The following ACAT1 variants were observed in gnomAD, a reference collection of about 807,000 sequenced individuals.
ACAT1 encodes acetyl-CoA acetyltransferase 1.
ACAT1 carries 28 observed loss-of-function variants against 47.3 expected under a neutral mutation model. The observed-to-expected ratio is 0.59, with a 90% CI of 0.44 to 0.81. ACAT1 has a LOEUF of 0.81. Ranked by LOEUF, ACAT1 falls within the 30% of genes least tolerant of loss-of-function variation. ACAT1 has a pLI of 0.00. For missense variants in ACAT1, 469 were observed against 524.3 expected, an observed-to-expected ratio of 0.89 and a Z score of 1.03; for synonymous variants, 181 against 173.6, an observed-to-expected ratio of 1.04 and a Z score of -0.34.
At chr11:108,135,660 T>A (rs963370048) in intron 5 of ACAT1, among the ~76,000 whole-genome samples, 7 of 152,110 alleles carry the variant, frequency 4.6e-5, no homozygotes, top group African/African-American at 1.7e-4. Flanking sequence ...AAACCCCGTC[T>A]CTACTAAAAA....
At position 108,136,277 on chromosome 11, in the gene ACAT1, CA is replaced by C. The variant is rs1249861324; in HGVS notation, c.435+1036del. 2.7e-5 allele frequency: 11 copies of C among 408,738 alleles called. No homozygotes were observed. The East Asian group carries it at 3.6e-4, about 13-fold the overall frequency. 25.3% of individuals were successfully genotyped at this position (408,738 alleles called of 1,614,324 possible). A position where few individuals can be genotyped will look rare whatever the true frequency, so the allele number is the denominator to read the frequency against. On this transcript the variant is annotated intron_variant, in intron 5 of 11. Transcript: ENST00000265838. The stretch of plus-strand genomic sequence containing the variant: ...ATTGGAAATAGAGTGGTGAACAAAA[CA>C]TTTAAAAAAATCTGTACATGTGCAG...
intron 1 of ACAT1, among the ~76,000 whole-genome samples, chr11:108,131,156 G>A (rs1190326562): frequency 1.3e-5 from 2 of 151,884 alleles, no homozygotes; most frequent in Non-Finnish European, 2.9e-5. Context: ...TGCTATTATA[G>A]GTCATATTTA....
chr11:108,126,958 ATTTT>A (rs1202021943), intron 1 of ACAT1, among the ~76,000 whole-genome samples: 2 of 151,104 alleles, frequency 1.3e-5, no homozygotes, highest in Admixed American at 1.3e-4. Context: ...ATGCCCTGTT[ATTTT>A]TTTATTTTAT....
At chr11:108,129,865 G>A (rs1012935045) in intron 1 of ACAT1, among the ~76,000 whole-genome samples, 15 of 152,208 alleles carry the variant, frequency 9.9e-5, no homozygotes, top group African/African-American at 3.1e-4. Context: ...GCCTGTAGTC[G>A]CAGATACTTG....
chr11:108,118,587 G>A (rs1439470530), upstream of ACAT1, among the ~76,000 whole-genome samples: 1 of 152,116 alleles, frequency 6.6e-6, no homozygotes, highest in Non-Finnish European at 1.5e-5. Context: ...TGTTAGGATG[G>A]TCTCGATCTC....
At chr11:108,135,084 A>C in intron 4 of ACAT1, 58 bp from the exon 5 acceptor site, 3 of 1,166,686 alleles carry the variant, frequency 2.6e-6, no homozygotes, top group Non-Finnish European at 3.9e-6. Context: ...ATGCTCTATT[A>C]AGTTCTGCAG....
intron 2 of ACAT1, among the ~76,000 whole-genome samples, chr11:108,132,328 CA>C (rs891138744): frequency 6.6e-6 from 1 of 152,156 alleles, no homozygotes; most frequent in Non-Finnish European, 1.5e-5. Flanking sequence ...GCCATTACAG[CA>C]TCTCCTAGGA....
At chr11:108,118,079 T>G (rs1387189218), upstream of ACAT1, among the ~76,000 whole-genome samples, 1 of 152,186 alleles carries the variant, frequency 6.6e-6, no homozygotes, top group African/African-American at 2.4e-5. Context: ...ATGACAGGAA[T>G]GATAATCCAA....
At chr11:108,137,102 TATA>T (rs1427691674) in intron 5 of ACAT1, among the ~76,000 whole-genome samples, 1 of 152,202 alleles carries the variant, frequency 6.6e-6, no homozygotes, top group Non-Finnish European at 1.5e-5. Flanking sequence ...CATGTAAACA[TATA>T]ATAATATTAA....
chr11:108,128,614 C>G (rs2077295290), intron 1 of ACAT1: 1 of 152,106 alleles, frequency 6.6e-6, no homozygotes, highest in African/African-American at 2.4e-5. Flanking sequence ...GGTCAAGAGA[C>G]ATTTATTTGT....
At chr11:108,131,224 A>T (rs2077350444) in intron 1 of ACAT1, among the ~76,000 whole-genome samples, 1 of 152,196 alleles carries the variant, frequency 6.6e-6, no homozygotes, top group Admixed American at 6.5e-5. Context: ...ATAGGGAGAA[A>T]CAGCAAGTTT....
chr11:108,121,550 T>C (rs1460356936), upstream of ACAT1: 30 of 1,523,740 alleles, frequency 2.0e-5, no homozygotes, highest in East Asian at 4.9e-5. Context: ...GGGTGCGGGG[T>C]TGGGGAGGAG....
In ACAT1 at chr11:108,132,873, A is replaced by AG. The variant is rs1224880364; in HGVS notation, c.120+919_120+920insG. On this transcript the variant is annotated intron_variant, in intron 2 of 11. Transcript: ENST00000265838. ...CATCTCAAAAAAAAAAAAAAAAAAA[A>AG]AAAAAAAAGAAAAAAGAAATTATGG... Among the ~76,000 whole-genome samples the AG allele has an allele frequency of 9.1e-3, 1,250 of 137,548 alleles. 42 individuals carry two copies. Among genetic ancestry groups the AG allele is most frequent in the African/African-American group, 0.029 (1,025 of 35,594 alleles). 90.2% of individuals were successfully genotyped at this position (137,548 alleles called of 152,430 possible).
At chr11:108,139,169 T>C in intron 6 of ACAT1, 128 bp downstream of exon 6, 2 of 1,287,146 alleles carry the variant, frequency 1.6e-6, no homozygotes, top group Admixed American at 1.9e-5. Context: ...CCGTGTACTT[T>C]TGGAGAATAT....
chr11:108,120,802 T>A (rs897591793), upstream of ACAT1, among the ~76,000 whole-genome samples: 27 of 152,094 alleles, frequency 1.8e-4, no homozygotes, highest in Non-Finnish European at 3.7e-4. Flanking sequence ...CTCACGCCTG[T>A]AATCCCAGCA....
chr11:108,138,276 T>G (rs2077506518), intron 5 of ACAT1, among the ~76,000 whole-genome samples: 2 of 150,872 alleles, frequency 1.3e-5, no homozygotes, highest in Non-Finnish European at 3.0e-5. Flanking sequence ...TGAGCCACCG[T>G]GCCCAGCCAG....
In ACAT1 at chr11:108,124,226, G is replaced by A. The variant is rs548644518; in HGVS notation, c.72+2548G>A. 2.6e-5 allele frequency among the ~76,000 whole-genome samples: 4 copies of A among 152,242 alleles called. No individual in the cohort carries two copies. In the South Asian group the frequency reaches 8.3e-4, roughly 32 times the overall value. On this transcript the variant is annotated intron_variant, in intron 1 of 11. Coordinates refer to ENST00000265838, the MANE Select transcript of ACAT1 (RefSeq NM_000019.4). ...CTTGCTTCTTCCCTTTGACCTAACA[G>A]CCTGTATGCTACTTCCTTCCTGTTG... is the stretch of plus-strand genomic sequence containing the variant.
In ACAT1 at chr11:108,141,628, G is replaced by A. The variant is rs2077588609; in HGVS notation, c.754G>A (p.Glu252Lys). ...VKGQPDVVVK[E>K]DEEYKRVDFS... ...AGGTCAACCAGATGTAGTGGTGAAA[G>A]AAGATGAAGAATATAAACGTGTTGA... is the stretch of plus-strand genomic sequence containing the variant. Residue 252 changes from glutamate (E) to lysine (K), a missense_variant, in exon 8 of 12, where the codon GAA (glutamate) becomes AAA (lysine). Physicochemically the swap from Glu to Lys is moderately conservative, Grantham distance 56 (BLOSUM62 1). Coordinates refer to ENST00000265838, the MANE Select transcript of ACAT1 (RefSeq NM_000019.4). 1 of 1,613,060 alleles carries A rather than the reference G, an allele frequency of 6.2e-7. No homozygotes were observed. The highest frequency in any genetic ancestry group is 1.3e-5 in the African/African-American group (1 of 74,880).
chr11:108,120,410 G>C (rs1474270461), upstream of ACAT1, among the ~76,000 whole-genome samples: 1 of 151,986 alleles, frequency 6.6e-6, no homozygotes, highest in Non-Finnish European at 1.5e-5. Context: ...GGGAAGCAGA[G>C]ACAGGAGGAT....
Sources: gnomAD v4.1 joint callset for allele counts (sites outside exome capture counted in the v4.1 genomes callset) on GRCh38, gnomAD v4.1.1 for gene constraint, MANE v1.5 for transcripts, NCBI Gene and HGNC (gene_info 2026-07-23, HGNC 2026-07-21) for gene names.